The following ROBO2 variants were observed in gnomAD, a reference collection of about 807,000 sequenced individuals.
The protein encoded by ROBO2 is roundabout guidance receptor 2.
ROBO2 carries 53 observed loss-of-function variants against 160.8 expected under a neutral mutation model. The ratio of observed to expected loss-of-function variants is 0.33; its 90% CI spans 0.26 to 0.41. ROBO2 has a LOEUF of 0.41. Among genes scored for constraint, ROBO2 ranks in the 10% least tolerant of loss-of-function variants. The pLI, the probability that ROBO2 is intolerant of heterozygous loss-of-function variation, is 1.00. For synonymous variants in ROBO2, 664 were observed against 611.7 expected, an observed-to-expected ratio of 1.09 and a Z score of -1.26; for missense variants, 1,577 against 1,722.4, an observed-to-expected ratio of 0.92 and a Z score of 1.49.
At chr3:77,323,621 G>A (rs1449000762) in intron 2 of ROBO2, among the ~76,000 whole-genome samples, 1 of 152,140 alleles carries the variant, frequency 6.6e-6, no homozygotes, top group Non-Finnish European at 1.5e-5. Context: ...TTTGATAAAT[G>A]TTTGCAATAC....
At chr3:77,537,109 G>GT (rs34498153) in intron 6 of ROBO2, among the ~76,000 whole-genome samples, 3 of 126,162 alleles carry the variant, frequency 2.4e-5, no homozygotes, top group Non-Finnish European at 4.9e-5. Flanking sequence ...TGGGGGGGGG[G>GT]TGTATTACAC....
intron 2 of ROBO2, among the ~76,000 whole-genome samples, chr3:76,797,795 T>C (rs1331844463): frequency 2.0e-5 from 3 of 151,844 alleles, no homozygotes; most frequent in Admixed American, 1.3e-4. Context: ...TGAGAAACTA[T>C]ATGGCAAAAA....
At chr3:77,028,403 CCAAAAACTTAACAAAACTATCTGACAT>C (rs2063105033) in intron 2 of ROBO2, among the ~76,000 whole-genome samples, 2 of 152,152 alleles carry the variant, frequency 1.3e-5, no homozygotes, top group African/African-American at 4.8e-5. Context: ...TTTAGGTCCT[CCAAAAACTTAACAAAACTATCTGACAT>C]CTAGGCTGGG....
chr3:77,268,852 GACC>G (rs1383213894), intron 2 of ROBO2, among the ~76,000 whole-genome samples: 1 of 152,184 alleles, frequency 6.6e-6, no homozygotes, highest in Non-Finnish European at 1.5e-5. Context: ...AGTGTAGGAA[GACC>G]ACAGGTTTCA....
At chr3:76,353,632 G>T (rs959330198) in intron 2 of ROBO2, among the ~76,000 whole-genome samples, 2 of 151,870 alleles carry the variant, frequency 1.3e-5, no homozygotes, top group African/African-American at 4.8e-5. Flanking sequence ...CTTCCTTTTT[G>T]TTCAGAAATG....
chr3:76,820,557 A>T (rs1026682830), intron 2 of ROBO2, among the ~76,000 whole-genome samples: 1 of 152,060 alleles, frequency 6.6e-6, no homozygotes, highest in African/African-American at 2.4e-5. Context: ...TCCTTTAAAC[A>T]TCAAAAAATG....
chr3:77,193,855 C>T (rs2082092263), intron 2 of ROBO2, among the ~76,000 whole-genome samples: 1 of 152,020 alleles, frequency 6.6e-6, no homozygotes, highest in South Asian at 2.1e-4. Context: ...GTGAAGCCTA[C>T]CCCCTCCTTT....
chr3:76,456,755 G>T (rs868442775), intron 2 of ROBO2, among the ~76,000 whole-genome samples: 3 of 152,144 alleles, frequency 2.0e-5, no homozygotes, highest in African/African-American at 7.2e-5. Context: ...AGACTGGGAA[G>T]AAAAAGAGGT....
intron 2 of ROBO2, among the ~76,000 whole-genome samples, chr3:76,613,053 T>A (rs2088265994): frequency 6.6e-6 from 1 of 152,160 alleles, no homozygotes; most frequent in African/African-American, 2.4e-5. Context: ...TTGTTTTAAT[T>A]CATTCAGCCA....
intron 2 of ROBO2, among the ~76,000 whole-genome samples, chr3:77,307,026 AG>A (rs1199995237): frequency 1.3e-5 from 2 of 152,204 alleles, no homozygotes; most frequent in Non-Finnish European, 2.9e-5. Flanking sequence ...ATGCCAAAAT[AG>A]ATACCTTGTC....
At chr3:76,269,903 T>C (rs1707329229) in intron 2 of ROBO2, among the ~76,000 whole-genome samples, 1 of 152,038 alleles carries the variant, frequency 6.6e-6, no homozygotes, top group East Asian at 1.9e-4. Flanking sequence ...TTTGCTTTTC[T>C]ATTTACACTG....
intron 2 of ROBO2, among the ~76,000 whole-genome samples, chr3:76,330,847 G>T (rs906473636): frequency 1.3e-5 from 2 of 152,196 alleles, no homozygotes; most frequent in Non-Finnish European, 2.9e-5. Flanking sequence ...TAAAGCAGTT[G>T]ATGAGGAACA....
At chr3:77,350,045 G>A (rs916523405) in intron 2 of ROBO2, among the ~76,000 whole-genome samples, 4 of 151,010 alleles carry the variant, frequency 2.6e-5, no homozygotes, top group African/African-American at 7.3e-5. Flanking sequence ...ACACCTGTAC[G>A]TCCCTGCGAT....
intron 2 of ROBO2, among the ~76,000 whole-genome samples, chr3:76,664,900 A>G (rs1307037869): frequency 6.6e-5 from 10 of 152,184 alleles, no homozygotes; most frequent in Non-Finnish European, 1.5e-4. Flanking sequence ...AGTGAGATGG[A>G]GTCAGTCAAG....
chr3:75,978,691 G>A (rs1197859124), intron 2 of ROBO2, among the ~76,000 whole-genome samples: 1 of 151,460 alleles, frequency 6.6e-6, no homozygotes, highest in Non-Finnish European at 1.5e-5. Context: ...GCACTGTTGT[G>A]GTAAAGACAC....
chr3:76,356,955 A>G (rs777876379), intron 2 of ROBO2, among the ~76,000 whole-genome samples: 29 of 151,880 alleles, frequency 1.9e-4, no homozygotes, highest in Non-Finnish European at 3.7e-4. Flanking sequence ...TCCTTGTTAT[A>G]TTTTTATTTT....
At chr3:76,781,910 G>A (rs1294170190) in intron 2 of ROBO2, among the ~76,000 whole-genome samples, 1 of 150,646 alleles carries the variant, frequency 6.6e-6, no homozygotes, top group Non-Finnish European at 1.5e-5. Flanking sequence ...TCCTCTTCAA[G>A]TTTTTGGAAA....
chr3:76,281,986 C>G (rs1708256792), intron 2 of ROBO2, among the ~76,000 whole-genome samples: 1 of 151,978 alleles, frequency 6.6e-6, no homozygotes, highest in Non-Finnish European at 1.5e-5. Flanking sequence ...TGTTTGAAAG[C>G]TCTTCAAGAT....
At chr3:76,237,301 A>G (rs566760050) in intron 2 of ROBO2, among the ~76,000 whole-genome samples, 1 of 152,332 alleles carries the variant, frequency 6.6e-6, no homozygotes, top group African/African-American at 2.4e-5. Context: ...GAACCTATCA[A>G]TAGGCCAAGC....
Sources: allele counts gnomAD v4.1 joint callset (sites outside exome capture counted in the v4.1 genomes callset), GRCh38; gene constraint gnomAD v4.1.1; transcripts MANE v1.5; gene names NCBI Gene and HGNC (gene_info 2026-07-23, HGNC 2026-07-21).